Variants in IQSEC1 observed in about 807,000 individuals in gnomAD.
The protein encoded by IQSEC1 is IQ motif and Sec7 domain ArfGEF 1.
IQSEC1 carries 31 observed loss-of-function variants against 91.0 expected under a neutral mutation model. The observed-to-expected ratio is 0.34, with a 90% CI of 0.26 to 0.46. IQSEC1 has a LOEUF of 0.46. Among genes scored for constraint, IQSEC1 ranks in the 20% least tolerant of loss-of-function variants. IQSEC1 has a pLI of 1.00. For missense variants in IQSEC1, 1,388 were observed against 1,575.6 expected, an observed-to-expected ratio of 0.88 and a Z score of 2.02; for synonymous variants, 699 against 662.6, an observed-to-expected ratio of 1.05 and a Z score of -0.84.
intron 1 of IQSEC1, among the ~76,000 whole-genome samples, chr3:13,055,228 G>C (rs117443841): frequency 1.3e-5 from 2 of 152,368 alleles, no homozygotes; most frequent in East Asian, 3.9e-4. Flanking sequence ...CCCTCCTCTG[G>C]GGGCAGATGG....
At chr3:13,225,748 G>A (rs1468310589) in intron 1 of IQSEC1, among the ~76,000 whole-genome samples, 2 of 152,236 alleles carry the variant, frequency 1.3e-5, no homozygotes, top group African/African-American at 4.8e-5. Flanking sequence ...AAGCAAGGAA[G>A]GAGATAAGTT....
intron 2 of IQSEC1, among the ~76,000 whole-genome samples, chr3:13,141,922 T>C (rs1706805489): frequency 6.6e-6 from 1 of 152,180 alleles, no homozygotes; most frequent in Non-Finnish European, 1.5e-5. Flanking sequence ...AGAGCCAGGA[T>C]GCACAAACAC....
intron 2 of IQSEC1, among the ~76,000 whole-genome samples, chr3:13,128,175 G>A (rs967161114): frequency 9.2e-5 from 14 of 152,036 alleles, no homozygotes; most frequent in East Asian, 1.9e-4. Context: ...TTGACTTACC[G>A]CTCTGTCTAG....
intron 1 of IQSEC1, among the ~76,000 whole-genome samples, chr3:13,071,152 T>G (rs1179006588): frequency 3.9e-5 from 4 of 102,732 alleles, no homozygotes; most frequent in African/African-American, 1.4e-4. Context: ...AGTTTTTTTT[T>G]GTTTTTTTTT....
chr3:13,017,243 G>T (rs928034595), intron 1 of IQSEC1, among the ~76,000 whole-genome samples: 3 of 152,156 alleles, frequency 2.0e-5, no homozygotes, highest in African/African-American at 4.8e-5. Flanking sequence ...TTGCCTGAAG[G>T]CATCTTCATT....
intron 1 of IQSEC1, 107 bp downstream of exon 1, chr3:13,072,885 G>T: frequency 1.0e-6 from 1 of 1,001,716 alleles, no homozygotes; most frequent in Non-Finnish European, 1.5e-6. Context: ...CAAGTCACCT[G>T]CACATCCACC....
At chr3:13,062,688 TTC>T (rs1468958608) in intron 1 of IQSEC1, among the ~76,000 whole-genome samples, 1 of 152,138 alleles carries the variant, frequency 6.6e-6, no homozygotes, top group Non-Finnish European at 1.5e-5. Context: ...TTGAGGGCAT[TTC>T]TCTTTTATCT....
chr3:13,117,104 G>A (rs1316967988), intron 2 of IQSEC1, among the ~76,000 whole-genome samples: 1 of 151,218 alleles, frequency 6.6e-6, no homozygotes, highest in South Asian at 2.1e-4. Context: ...CTAGTATCCA[G>A]AGGATATAAA....
intron 1 of IQSEC1, among the ~76,000 whole-genome samples, chr3:12,943,328 C>T (rs537991482): frequency 6.6e-6 from 1 of 152,366 alleles, no homozygotes; most frequent in Non-Finnish European, 1.5e-5. Context: ...GGCTGACGAG[C>T]TCATCCCGAC....
At chr3:13,015,524 A>G (rs1369733934) in intron 1 of IQSEC1, 1 of 982,172 alleles carries the variant, frequency 1.0e-6, no homozygotes, top group African/African-American at 1.8e-5. Flanking sequence ...AGCCCCTCAC[A>G]GGTTTCTCAG....
intron 12 of IQSEC1, among the ~76,000 whole-genome samples, chr3:12,904,017 C>T (rs1575842647): frequency 6.6e-6 from 1 of 152,216 alleles, no homozygotes; most frequent in Non-Finnish European, 1.5e-5. Flanking sequence ...CGGGTTGGGC[C>T]CAGGAGCCTG....
rs1559607756 is a variant in IQSEC1, at chr3:12,908,769, G to A, written c.2579-244C>T. On this transcript the variant is annotated intron_variant, in intron 11 of 13. Coordinates refer to ENST00000613206, the MANE Select transcript of IQSEC1 (RefSeq NM_001134382.3). The surrounding 1 kb of genome is among the most constrained non-coding windows in gnomAD (Gnocchi z 4.9). ...TGCAGGAAGGATAGTCACCTTCCAG[G>A]CTCGGGAGTGGACAGGGAGGCACAG... 6.6e-6 allele frequency among the ~76,000 whole-genome samples: 1 copy of A among 152,118 alleles called. No individual in the cohort carries two copies. The highest frequency in any genetic ancestry group is 1.5e-5 in the Non-Finnish European group (1 of 67,994).
At chr3:12,987,405 C>T (rs1701792242) in intron 1 of IQSEC1, among the ~76,000 whole-genome samples, 1 of 152,214 alleles carries the variant, frequency 6.6e-6, no homozygotes, top group African/African-American at 2.4e-5. Context: ...TATATGTGTG[C>T]ACCTGGGGCC....
At chr3:13,150,956 C>T (rs1706987385) in intron 2 of IQSEC1, among the ~76,000 whole-genome samples, 1 of 152,196 alleles carries the variant, frequency 6.6e-6, no homozygotes, top group Non-Finnish European at 1.5e-5. Context: ...CCAGGGAGCT[C>T]TTCTCCCTCA....
At chr3:12,974,507 G>A (rs546072727) in intron 1 of IQSEC1, among the ~76,000 whole-genome samples, 8 of 152,304 alleles carry the variant, frequency 5.3e-5, no homozygotes, top group South Asian at 4.1e-4. Flanking sequence ...GGCAGGGCCC[G>A]CGAAGAACAG....
intron 1 of IQSEC1, among the ~76,000 whole-genome samples, chr3:13,019,416 G>T (rs765191338): frequency 3.3e-5 from 5 of 152,246 alleles, no homozygotes; most frequent in East Asian, 3.9e-4. Flanking sequence ...ATCTGAAGAC[G>T]CAAGTGGAAA....
chr3:13,089,742 T>C (rs4684120), intron 2 of IQSEC1, among the ~76,000 whole-genome samples: 105,989 of 152,074 alleles, frequency 0.7, 37,259 homozygotes, highest in East Asian at 0.89. Context: ...TCCATAGAGG[T>C]AGAAAGCAGA....
chr3:13,069,755 C>T (rs2125108481), intron 1 of IQSEC1, among the ~76,000 whole-genome samples: 1 of 152,294 alleles, frequency 6.6e-6, no homozygotes, highest in South Asian at 2.1e-4. Flanking sequence ...GACAGAGGGG[C>T]CCCTTGCAGA....
Position 13,046,031 on chromosome 3 carries a change from T to C in IQSEC1, c.23+26961A>G, listed in dbSNP as rs866522816. ...TGTGTATACGTGTGTGCGTGTGAGA[T>C]TATGCAATGGGCATATGAGGAACTA... On this transcript the variant is annotated intron_variant, in intron 1 of 13. Coordinates refer to ENST00000613206, the MANE Select transcript of IQSEC1 (RefSeq NM_001134382.3). 4.5e-4 allele frequency among the ~76,000 whole-genome samples: 68 copies of C among 152,286 alleles called. 1 individual carries two copies. The Middle Eastern group carries it at 0.017, about 38-fold the overall frequency.
Sources: allele counts gnomAD v4.1 joint callset (sites outside exome capture counted in the v4.1 genomes callset), GRCh38; gene constraint gnomAD v4.1.1; non-coding constraint Gnocchi (gnomAD v3.1); transcripts MANE v1.5; gene names NCBI Gene and HGNC (gene_info 2026-07-23, HGNC 2026-07-21).